The following SLC35F3 variants were observed in gnomAD, a reference collection of about 807,000 sequenced individuals.
SLC35F3 encodes solute carrier family 35 member F3.
Under a neutral mutation model 49.9 loss-of-function variants are expected in SLC35F3, and 25 were observed. The ratio of observed to expected loss-of-function variants is 0.50; its 90% CI spans 0.37 to 0.70. The LOEUF is 0.70. SLC35F3 is among the 30% of genes least tolerant of loss of function. The pLI is 0.00. For missense variants in SLC35F3, 525 were observed against 639.8 expected, an observed-to-expected ratio of 0.82 and a Z score of 1.94; for synonymous variants, 275 against 265.4, an observed-to-expected ratio of 1.04 and a Z score of -0.35.
At chr1:234,097,702 C>T (rs1235849671) in intron 2 of SLC35F3, among the ~76,000 whole-genome samples, 1 of 152,154 alleles carries the variant, frequency 6.6e-6, no homozygotes, top group Non-Finnish European at 1.5e-5. Context: ...GACCTGGTGA[C>T]TGGATTTGAA....
At position 234,299,824 on chromosome 1, in the gene SLC35F3, AG is replaced by A. The variant is rs1252862423; in HGVS notation, c.609-9276del. ...CATCTCAAAAAAAAAAAAAAAAAAA[AG>A]AGAAGAAAAAAAATTGTTAAGATTG... On this transcript the variant is annotated intron_variant, in intron 3 of 7. Transcript: ENST00000366618. Among the ~76,000 whole-genome samples, 21 of 146,890 alleles carry A rather than the reference AG, an allele frequency of 1.4e-4. No individual in the cohort carries two copies. The East Asian group carries it at 1.5e-3, about 10-fold the overall frequency.
rs1657682396 is a variant in SLC35F3, at chr1:234,323,500, T to C, written c.*257T>C. The stretch of plus-strand genomic sequence containing the variant: ...ATGTAAAGTGGGTTTAAAAGTTCCC[T>C]GCGTAGATCGTTTTGGATGGCTGAC... On this transcript the variant is annotated 3_prime_UTR_variant, in exon 8 of 8. Transcript: ENST00000366618. This position sits in a 1 kb window ranked among gnomAD's most constrained non-coding sequence, Gnocchi z 4.5. The C allele has an allele frequency of 2.0e-6, 1 of 496,880 alleles. No homozygotes were observed. Among genetic ancestry groups the C allele is most frequent in the Non-Finnish European group, 3.6e-6 (1 of 277,932 alleles). The allele number at this position is 496,880 out of a possible 1,614,324, so 30.8% of individuals were successfully genotyped here.
intron 2 of SLC35F3, among the ~76,000 whole-genome samples, chr1:233,950,455 T>TC (rs1662585620): frequency 2.3e-5 from 3 of 128,504 alleles, no homozygotes; most frequent in Non-Finnish European, 5.1e-5. Context: ...TTTCCTTCCT[T>TC]CTTTCCTTCC....
chr1:234,288,883 T>C (rs930582679), intron 3 of SLC35F3, among the ~76,000 whole-genome samples: 2 of 152,204 alleles, frequency 1.3e-5, no homozygotes, highest in Non-Finnish European at 2.9e-5. Context: ...CAGGAGGAAC[T>C]AGGGGCTGAG....
At chr1:234,283,867 G>A (rs1340079803) in intron 3 of SLC35F3, among the ~76,000 whole-genome samples, 1 of 152,154 alleles carries the variant, frequency 6.6e-6, no homozygotes, top group Non-Finnish European at 1.5e-5. Context: ...TACCCCTTTT[G>A]TAGCTCTTAT....
intron 2 of SLC35F3, among the ~76,000 whole-genome samples, chr1:234,011,557 A>G (rs1343731688): frequency 2.0e-5 from 3 of 152,122 alleles, no homozygotes; most frequent in Admixed American, 1.3e-4. Context: ...ATACTCACGC[A>G]CACACACACC....
intron 3 of SLC35F3, among the ~76,000 whole-genome samples, chr1:234,257,158 G>C (rs920403348): frequency 3.3e-5 from 5 of 152,146 alleles, no homozygotes; most frequent in Non-Finnish European, 5.9e-5. Context: ...AACTATAATA[G>C]TGCAACATAT....
chr1:234,066,828 T>A (rs867120258), intron 2 of SLC35F3, among the ~76,000 whole-genome samples: 33 of 99,158 alleles, frequency 3.3e-4, no homozygotes, highest in African/African-American at 1.5e-3. Flanking sequence ...TCCCTCTCTC[T>A]CCCACACACA....
rs1011240052 is a variant in SLC35F3 at position 234,162,829 on chromosome 1, T to C, written c.284-68588T>C. On this transcript the variant is annotated intron_variant, in intron 2 of 7. Transcript: ENST00000366618. ...CAGTAATGAACCCTGTCTGTTTGCC[T>C]GGGGTTCCCTGTGCATATTTCTCTC... Among the ~76,000 whole-genome samples, 4 of 152,340 alleles carry C rather than the reference T, an allele frequency of 2.6e-5. No homozygotes were observed. In the East Asian group the frequency reaches 7.7e-4, roughly 29 times the overall value.
chr1:233,968,750 G>C (rs1419898886), intron 2 of SLC35F3, among the ~76,000 whole-genome samples: 1 of 152,078 alleles, frequency 6.6e-6, no homozygotes, highest in Admixed American at 6.6e-5. Context: ...CTCCCAAAGT[G>C]CTGGTATTAT....
chr1:234,098,650 T>A (rs979963116), intron 2 of SLC35F3, among the ~76,000 whole-genome samples: 3 of 150,904 alleles, frequency 2.0e-5, no homozygotes, highest in Non-Finnish European at 4.4e-5. Context: ...GCAGTTCAGA[T>A]GGTGGTGGTA....
chr1:233,913,017 G>A (rs1036304994), intron 2 of SLC35F3, among the ~76,000 whole-genome samples: 1 of 152,156 alleles, frequency 6.6e-6, no homozygotes, highest in African/African-American at 2.4e-5. Flanking sequence ...CACAGTCCTT[G>A]CCCTAAAAGC....
chr1:234,074,095 T>C lies in SLC35F3; in HGVS notation c.284-157322T>C, dbSNP rs182093695. 6.0e-4 allele frequency among the ~76,000 whole-genome samples: 91 copies of C among 152,324 alleles called. 1 individual carries two copies. In the East Asian group the frequency reaches 0.012, roughly 20 times the overall value. ...CATTTTAAGAAACGTCCCTCTTGTC[T>C]CACGGTCTGAAAACTACCTTCTTTT... On this transcript the variant is annotated intron_variant, in intron 2 of 7. Coordinates refer to ENST00000366618, the MANE Select transcript of SLC35F3 (RefSeq NM_173508.4).
chr1:234,214,325 G>A lies in SLC35F3; in HGVS notation c.284-17092G>A, dbSNP rs1473120183. ...CAGGGCGGCCGCCGCAGTGAGCAAC[G>A]CGGCAACCGGAGCCCGGCGGGCAGC... On this transcript the variant is annotated intron_variant, in intron 2 of 7. Coordinates refer to ENST00000366618, the MANE Select transcript of SLC35F3 (RefSeq NM_173508.4). This position sits in a 1 kb window ranked among gnomAD's most constrained non-coding sequence, Gnocchi z 8.0. The A allele has an allele frequency of 3.8e-6, 5 of 1,308,032 alleles. No individual in the cohort carries two copies. In the African/African-American group the frequency reaches 7.8e-5, roughly 20 times the overall value. The allele number at this position is 1,308,032 out of a possible 1,614,324, so 81.0% of individuals were successfully genotyped here.
intron 2 of SLC35F3, among the ~76,000 whole-genome samples, chr1:234,194,183 A>G (rs1666771278): frequency 6.6e-6 from 1 of 152,246 alleles, no homozygotes; most frequent in Non-Finnish European, 1.5e-5. Context: ...ACAATTCGCA[A>G]TTGCAAAAAA....
At chr1:234,050,852 A>G (rs1366038259) in intron 2 of SLC35F3, among the ~76,000 whole-genome samples, 1 of 152,234 alleles carries the variant, frequency 6.6e-6, no homozygotes, top group African/African-American at 2.4e-5. Flanking sequence ...AGCTTTCTAC[A>G]TATGGCTAGC....
intron 3 of SLC35F3, among the ~76,000 whole-genome samples, chr1:234,286,606 A>G (rs778649187): frequency 6.6e-6 from 1 of 152,266 alleles, no homozygotes; most frequent in Non-Finnish European, 1.5e-5. Flanking sequence ...GTGGGGCCAC[A>G]TTTTAAGAGA....
chr1:234,125,542 G>C (rs1027560116), intron 2 of SLC35F3, among the ~76,000 whole-genome samples: 2 of 152,138 alleles, frequency 1.3e-5, no homozygotes, highest in Non-Finnish European at 2.9e-5. Flanking sequence ...ACCCCAGGCA[G>C]GGCCAGCTAA....
intron 2 of SLC35F3, among the ~76,000 whole-genome samples, chr1:234,178,497 G>A (rs1486677987): frequency 6.6e-6 from 1 of 151,408 alleles, no homozygotes; most frequent in South Asian, 2.1e-4. Flanking sequence ...ACAGTTTTAG[G>A]TTCACAGCAA....
Sources: allele counts gnomAD v4.1 joint callset (sites outside exome capture counted in the v4.1 genomes callset), GRCh38; gene constraint gnomAD v4.1.1; non-coding constraint Gnocchi (gnomAD v3.1); transcripts MANE v1.5; gene names NCBI Gene and HGNC (gene_info 2026-07-23, HGNC 2026-07-21).